SDK1: variants seen among roughly 807,000 people sequenced by gnomAD.
SDK1 encodes protein sidekick-1.
A neutral mutation model predicts 245.5 loss-of-function variants in SDK1; 157 were observed. The ratio of observed to expected loss-of-function variants is 0.64; its 90% CI spans 0.56 to 0.73. The LOEUF (loss-of-function observed/expected upper bound fraction) is 0.73. SDK1 is among the 30% of genes least tolerant of loss of function. SDK1 has a pLI of 0.00. For synonymous variants in SDK1, 1,647 were observed against 1,278.5 expected (o/e 1.29, Z -6.15); for missense variants, 3,583 against 3,002.3 (o/e 1.19, Z -4.52).
chr7:3,761,070 G>A (rs1180223192), intron 4 of SDK1, among the ~76,000 whole-genome samples: 1 of 152,138 alleles, frequency 6.6e-6, no homozygotes, highest in Non-Finnish European at 1.5e-5. Flanking sequence ...GTAGGAGTGG[G>A]TCAGATAAGT....
At chr7:3,694,271 A>T (rs1010161301) in intron 4 of SDK1, among the ~76,000 whole-genome samples, 6 of 152,162 alleles carry the variant, frequency 3.9e-5, no homozygotes, top group Admixed American at 2.0e-4. Flanking sequence ...AATCTAAGAG[A>T]TGGCCACCGG....
chr7:3,594,479 A>G (rs1780987271), intron 1 of SDK1, among the ~76,000 whole-genome samples: 1 of 152,206 alleles, frequency 6.6e-6, no homozygotes, highest in South Asian at 2.1e-4. Flanking sequence ...TAAGGATGGA[A>G]TTACTGGGTC....
At chr7:3,683,585 G>A (rs1784177892) in intron 4 of SDK1, among the ~76,000 whole-genome samples, 1 of 152,220 alleles carries the variant, frequency 6.6e-6, no homozygotes, top group Non-Finnish European at 1.5e-5. Flanking sequence ...CATCCAGGTG[G>A]AGCAGCCCCG....
Position 4,158,428 on chromosome 7 carries a change from C to T in SDK1, c.4626-20C>T, listed in dbSNP as rs768877396. ...CAGGGTGGCAGGGCCCCGGCAGTCA[C>T]GGTCTCTTCCACATTGCAGACTGAG... is the stretch of plus-strand genomic sequence containing the variant. On this transcript the variant is annotated intron_variant, in intron 30 of 44. Transcript: ENST00000404826. The T allele has an allele frequency of 2.9e-5, 46 of 1,598,926 alleles. No homozygotes were observed. The highest frequency in any genetic ancestry group is 2.8e-4 in the Admixed American group (17 of 59,958).
chr7:3,962,130 C>T (rs1043227373), intron 8 of SDK1, among the ~76,000 whole-genome samples: 1 of 152,168 alleles, frequency 6.6e-6, no homozygotes, highest in African/African-American at 2.4e-5. Flanking sequence ...CAATCTTCAA[C>T]CTTCTGAAGT....
chr7:4,009,414 C>T (rs1301965177), intron 14 of SDK1, among the ~76,000 whole-genome samples: 3 of 152,206 alleles, frequency 2.0e-5, no homozygotes, highest in African/African-American at 7.2e-5. Context: ...ACCAGATCAC[C>T]ATGAGCTGCA....
rs77504485 is a variant in SDK1, at chr7:4,003,233, T to G, written c.2132-7733T>G. On this transcript the variant is annotated intron_variant, in intron 14 of 44. Transcript: ENST00000404826. ...TCCACTGCAGGTTCCACGCAGGGCC[T>G]CCTAACCTGCCCCTCCCCTGCCTGC... Among the ~76,000 whole-genome samples the G allele has an allele frequency of 2.4e-4, 37 of 152,336 alleles. 1 individual carries two copies. The East Asian group carries it at 5.0e-3, about 21-fold the overall frequency.
chr7:3,486,705 G>T (rs1314384827), intron 1 of SDK1, among the ~76,000 whole-genome samples: 1 of 152,052 alleles, frequency 6.6e-6, no homozygotes, highest in East Asian at 1.9e-4. Context: ...TAGATGTAGA[G>T]ATAGTAGATT....
At chr7:3,588,100 C>A (rs1024634350) in intron 1 of SDK1, among the ~76,000 whole-genome samples, 1 of 152,158 alleles carries the variant, frequency 6.6e-6, no homozygotes, top group Non-Finnish European at 1.5e-5. Context: ...TCTACGAGCC[C>A]TGTATTCTGC....
chr7:3,615,334 G>A (rs183696647), intron 1 of SDK1, among the ~76,000 whole-genome samples: 21 of 151,698 alleles, frequency 1.4e-4, no homozygotes, highest in Non-Finnish European at 2.2e-4. Context: ...TTTTGCTGAA[G>A]TACATAGGAA....
chr7:3,675,075 C>T (rs191175959), intron 4 of SDK1, among the ~76,000 whole-genome samples: 30 of 152,262 alleles, frequency 2.0e-4, no homozygotes, highest in African/African-American at 6.3e-4. Flanking sequence ...TTCTCATGCC[C>T]GTGAGCCATC....
Position 4,240,231 on chromosome 7 carries a change from G to A in SDK1, c.6131-1562G>A, listed in dbSNP as rs538891697. On this transcript the variant is annotated intron_variant, in intron 42 of 44. Coordinates refer to ENST00000404826, the MANE Select transcript of SDK1 (RefSeq NM_152744.4). ...GAAAACAGACTTGAAAAGGCAGATC[G>A]GACCTGCAGCTTCCGATGCTCAGCC... Among the ~76,000 whole-genome samples, 7 of 152,174 alleles carry A rather than the reference G, an allele frequency of 4.6e-5. No homozygotes were observed. In the East Asian group the frequency reaches 1.2e-3, roughly 25 times the overall value.
At chr7:3,987,049 A>G (rs1783906978) in intron 13 of SDK1, 137 bp from the exon 14 acceptor site, 1 of 797,142 alleles carries the variant, frequency 1.3e-6, no homozygotes, top group South Asian at 1.8e-5. Context: ...GAGAGTTAAT[A>G]TTTGTGTTTG....
At chr7:3,744,374 A>T (rs1439475515) in intron 4 of SDK1, among the ~76,000 whole-genome samples, 2 of 152,184 alleles carry the variant, frequency 1.3e-5, no homozygotes, top group African/African-American at 4.8e-5. Context: ...ATTCTATTAT[A>T]ATATAAGCAT....
chr7:4,080,994 C>T (rs1781019393), intron 22 of SDK1, among the ~76,000 whole-genome samples: 1 of 152,150 alleles, frequency 6.6e-6, no homozygotes, highest in African/African-American at 2.4e-5. Context: ...AAAACCAATT[C>T]TACTATTAAA....
intron 1 of SDK1, among the ~76,000 whole-genome samples, chr7:3,378,999 G>A (rs561075041): frequency 2.7e-4 from 41 of 152,176 alleles, no homozygotes; most frequent in African/African-American, 7.7e-4. Flanking sequence ...CCAGCTTCTC[G>A]TTAATTACTT....
At chr7:3,512,960 A>C (rs950333632) in intron 1 of SDK1, among the ~76,000 whole-genome samples, 1 of 152,120 alleles carries the variant, frequency 6.6e-6, no homozygotes, top group Non-Finnish European at 1.5e-5. Flanking sequence ...ATTATAAACA[A>C]TATTGCCATT....
At chr7:3,455,948 CT>C (rs1188022280) in intron 1 of SDK1, among the ~76,000 whole-genome samples, 1 of 152,048 alleles carries the variant, frequency 6.6e-6, no homozygotes, top group African/African-American at 2.4e-5. Context: ...TTCAGTTTTC[CT>C]TGTCTTAGAA....
At chr7:3,415,943 C>T (rs1052219389) in intron 1 of SDK1, among the ~76,000 whole-genome samples, 1 of 152,034 alleles carries the variant, frequency 6.6e-6, no homozygotes, top group Non-Finnish European at 1.5e-5. Flanking sequence ...GTCTCTGCTC[C>T]CTACCTTCAT....
Sources: allele counts gnomAD v4.1 joint callset (sites outside exome capture counted in the v4.1 genomes callset), GRCh38; gene constraint gnomAD v4.1.1; transcripts MANE v1.5; gene names NCBI Gene and HGNC (gene_info 2026-07-23, HGNC 2026-07-21).